The following PKNOX2 variants were observed in gnomAD, a reference collection of about 807,000 sequenced individuals.
The protein encoded by PKNOX2 is PBX/knotted 1 homeobox 2, also known as homeobox protein PKNOX2.
In PKNOX2, 14 loss-of-function variants were observed where a neutral mutation model predicts 53.1. The ratio of observed to expected loss-of-function variants is 0.26; its 90% CI spans 0.17 to 0.41. The LOEUF is 0.41. PKNOX2 is among the 10% of genes least tolerant of loss of function. The pLI, the probability that PKNOX2 is intolerant of heterozygous loss-of-function variation, is 1.00. For synonymous variants in PKNOX2, 257 were observed against 242.8 expected, an observed-to-expected ratio of 1.06 and a Z score of -0.54; for missense variants, 496 against 602.8, an observed-to-expected ratio of 0.82 and a Z score of 1.85.
chr11:125,382,958 C>T (rs947815027), intron 5 of PKNOX2, among the ~76,000 whole-genome samples: 4 of 152,062 alleles, frequency 2.6e-5, no homozygotes, highest in Non-Finnish European at 5.9e-5. Context: ...GACTGCACAC[C>T]GAGTCTGCAG....
At chr11:125,198,993 A>G (rs1333400983) in intron 1 of PKNOX2, among the ~76,000 whole-genome samples, 10 of 151,754 alleles carry the variant, frequency 6.6e-5, no homozygotes, top group Non-Finnish European at 1.3e-4. Context: ...GATACCCACT[A>G]CTATGCCTGG....
chr11:125,178,580 AGGAAG>A (rs1955875824), intron 1 of PKNOX2, among the ~76,000 whole-genome samples: 7 of 34,316 alleles, frequency 2.0e-4, no homozygotes, highest in Non-Finnish European at 2.6e-4. Context: ...GAAGGAAGGA[AGGAAG>A]GAAGGAAGGA....
At chr11:125,347,293 G>C (rs571002081) in intron 3 of PKNOX2, among the ~76,000 whole-genome samples, 1 of 152,292 alleles carries the variant, frequency 6.6e-6, no homozygotes, top group African/African-American at 2.4e-5. Context: ...TGGCCAGAGA[G>C]TTCCCAATTA....
At chr11:125,323,007 C>T (rs1949614792) in intron 2 of PKNOX2, among the ~76,000 whole-genome samples, 1 of 152,210 alleles carries the variant, frequency 6.6e-6, no homozygotes, top group Admixed American at 6.5e-5. Flanking sequence ...CAAGGCAGAG[C>T]AAGGAGTCCC....
At chr11:125,190,534 T>A (rs1956817489) in intron 1 of PKNOX2, among the ~76,000 whole-genome samples, 1 of 152,238 alleles carries the variant, frequency 6.6e-6, no homozygotes, top group Admixed American at 6.5e-5. Flanking sequence ...AAATCAAACA[T>A]CTTAGTCTGG....
intron 2 of PKNOX2, among the ~76,000 whole-genome samples, chr11:125,237,606 C>T (rs1565476400): frequency 6.6e-6 from 1 of 152,144 alleles, no homozygotes; most frequent in African/African-American, 2.4e-5. Context: ...GCTAAAGAAC[C>T]CCCTGCCTTA....
intron 5 of PKNOX2, among the ~76,000 whole-genome samples, chr11:125,379,055 C>CTTTTTTTT (rs35310311): frequency 3.2e-5 from 4 of 124,440 alleles, no homozygotes; most frequent in Non-Finnish European, 5.0e-5. Context: ...TTTTCTTTCT[C>CTTTTTTTT]TTTTTTTTTT....
intron 3 of PKNOX2, among the ~76,000 whole-genome samples, chr11:125,344,000 A>G (rs1371823430): frequency 1.3e-5 from 2 of 152,160 alleles, no homozygotes; most frequent in Non-Finnish European, 2.9e-5. Flanking sequence ...AGTTCAAGGA[A>G]GGCAAGTCCT....
intron 2 of PKNOX2, among the ~76,000 whole-genome samples, chr11:125,304,741 A>G (rs1293425543): frequency 6.6e-6 from 1 of 152,196 alleles, no homozygotes; most frequent in Non-Finnish European, 1.5e-5. Context: ...GTACTGAGGA[A>G]CAAATGTCTC....
intron 2 of PKNOX2, among the ~76,000 whole-genome samples, chr11:125,316,020 G>T (rs577234669): frequency 6.6e-6 from 1 of 152,344 alleles, no homozygotes; most frequent in Admixed American, 6.5e-5. Flanking sequence ...AGGCAAAGAT[G>T]TCCATACGTA....
At chr11:125,364,022 GC>G (rs1470310185) in intron 4 of PKNOX2, among the ~76,000 whole-genome samples, 6 of 152,178 alleles carry the variant, frequency 3.9e-5, no homozygotes, top group African/African-American at 1.4e-4. Context: ...GGCAGTTTCA[GC>G]CCACTGCTTA....
chr11:125,239,073 A>G (rs1289699708), intron 2 of PKNOX2, among the ~76,000 whole-genome samples: 1 of 152,176 alleles, frequency 6.6e-6, no homozygotes, highest in Non-Finnish European at 1.5e-5. Flanking sequence ...CCAGCCATTC[A>G]CTCGCCCAGT....
intron 3 of PKNOX2, among the ~76,000 whole-genome samples, chr11:125,347,484 T>C (rs1951043250): frequency 6.6e-6 from 1 of 152,192 alleles, no homozygotes; most frequent in Admixed American, 6.5e-5. Context: ...ATTTTTTTTC[T>C]GAGCCTGTTT....
At chr11:125,302,551 C>T (rs935653447) in intron 2 of PKNOX2, among the ~76,000 whole-genome samples, 1 of 152,206 alleles carries the variant, frequency 6.6e-6, no homozygotes, top group Non-Finnish European at 1.5e-5. Context: ...AAGCTCTCGG[C>T]CACCCCCATG....
chr11:125,339,964 C>T (rs1338407633), intron 3 of PKNOX2, among the ~76,000 whole-genome samples: 1 of 152,258 alleles, frequency 6.6e-6, no homozygotes, highest in African/African-American at 2.4e-5. Flanking sequence ...TTTCAGCTCG[C>T]TTAACGTTTT....
At chr11:125,192,825 G>A (rs921029883) in intron 1 of PKNOX2, among the ~76,000 whole-genome samples, 3 of 149,494 alleles carry the variant, frequency 2.0e-5, no homozygotes, top group African/African-American at 7.7e-5. Context: ...GCCAGGTCGA[G>A]GGGGCTTGGT....
intron 2 of PKNOX2, among the ~76,000 whole-genome samples, chr11:125,304,679 C>T (rs530385406): frequency 3.9e-4 from 59 of 152,352 alleles, no homozygotes; most frequent in African/African-American, 1.3e-3. Flanking sequence ...ATGTCCTTCT[C>T]TGGAGAGCTT....
chr11:125,222,129 G>A (rs1299867010), intron 1 of PKNOX2, among the ~76,000 whole-genome samples: 2 of 152,206 alleles, frequency 1.3e-5, no homozygotes, highest in East Asian at 1.9e-4. Context: ...AAGCACGTCA[G>A]ACACTGATGG....
chr11:125,268,542 G>T (rs769150700), intron 2 of PKNOX2, among the ~76,000 whole-genome samples: 1 of 152,236 alleles, frequency 6.6e-6, no homozygotes, highest in Admixed American at 6.5e-5. Flanking sequence ...CAGGGCTGAA[G>T]CTGGGAGCTG....
Sources: allele counts gnomAD v4.1 joint callset (sites outside exome capture counted in the v4.1 genomes callset), GRCh38; gene constraint gnomAD v4.1.1; transcripts MANE v1.5; gene names NCBI Gene and HGNC (gene_info 2026-07-23, HGNC 2026-07-21).